TNS1: variants seen among roughly 807,000 people sequenced by gnomAD.
TNS1 encodes tensin-1.
TNS1 carries 62 observed loss-of-function variants against 168.6 expected under a neutral mutation model. That is an observed-to-expected ratio of 0.37 (90% CI 0.30 to 0.45). TNS1 has a LOEUF of 0.45. Among genes scored for constraint, TNS1 ranks in the 20% least tolerant of loss-of-function variants. The pLI is 1.00. For missense variants in TNS1, 2,240 were observed against 2,339.4 expected (o/e 0.96, Z 0.88); for synonymous variants, 934 against 933.2 (o/e 1.00, Z -0.02).
chr2:217,802,392 C>T lies in TNS1; in HGVS notation c.*2067G>A, dbSNP rs746536920. 4.6e-5 allele frequency: 7 copies of T among 152,394 alleles called. No homozygotes were observed. The East Asian group carries it at 1.4e-3, about 29-fold the overall frequency. The allele number at this position is 152,394 out of a possible 1,614,324, so 9.4% of individuals were successfully genotyped here. ...CAGAACGTCCACACTGACACAGCTCCTTGGAGGAGAAAAAATACAAAAGAC... is the reference window on the plus strand; with the variant it reads ...CAGAACGTCCACACTGACACAGCTCTTTGGAGGAGAAAAAATACAAAAGAC... On this transcript the variant is annotated 3_prime_UTR_variant, in exon 33 of 33. Coordinates refer to ENST00000682258, the MANE Select transcript of TNS1 (RefSeq NM_001387777.1).
rs555430131 is a variant in TNS1, at chr2:217,818,205, A to G, written c.4127T>C (p.Leu1376Pro). ...TTGGTGAGCCCCAGGGTGCCGGCCC[A>G]GGCTGGGACTCCCCGGGGTGGTGGC... ...KVATTPGSPS[L>P]GRHPGAHQGN... is the part of the protein sequence containing the mutation. Residue 1376 changes from leucine to proline, a missense_variant, in exon 24 of 33, where the codon CTG (leucine) becomes CCG (proline). Physicochemically the swap from Leu to Pro is moderately conservative, Grantham distance 98. Transcript: ENST00000682258. 2.5e-6 allele frequency: 4 copies of G among 1,613,862 alleles called. No homozygotes were observed. The South Asian group carries it at 4.4e-5, about 18-fold the overall frequency.
At chr2:217,890,881 C>A in intron 12 of TNS1, 81 bp downstream of exon 12, 1 of 1,453,178 alleles carries the variant, frequency 6.9e-7, no homozygotes, top group Non-Finnish European at 9.6e-7. Context: ...GCTATCCCAT[C>A]CCTGTGAGTA....
intron 32 of TNS1, 111 bp from the exon 33 acceptor site, chr2:217,804,714 C>T: frequency 2.2e-6 from 3 of 1,384,590 alleles, no homozygotes; most frequent in Non-Finnish European, 2.0e-6. Context: ...CTTCCCCATC[C>T]CTCCAGCAGG....
chr2:217,971,108 C>A (rs1957764755), intron 3 of TNS1, among the ~76,000 whole-genome samples: 1 of 152,192 alleles, frequency 6.6e-6, no homozygotes, highest in African/African-American at 2.4e-5. Context: ...TTACATACAA[C>A]AAAATGCATC....
Position 217,809,483 on chromosome 2 carries a change from GGATGGA to G in TNS1, c.5273+334_5273+339del, listed in dbSNP as rs1559140968. Among the ~76,000 whole-genome samples, 99 of 85,034 alleles carry G rather than the reference GGATGGA, an allele frequency of 1.2e-3. 20 individuals carry two copies. The highest frequency in any genetic ancestry group is 2.3e-3 in the East Asian group (7 of 3,054). The allele number at this position is 85,034 out of a possible 152,430, so 55.8% of individuals were successfully genotyped here. ...TGCATGGATGGATGGATGGATGGAT[GGATGGA>G]TGCATGGATGGATGCATGGATGGAT... On this transcript the variant is annotated intron_variant, in intron 30 of 32. Coordinates refer to ENST00000682258, the MANE Select transcript of TNS1 (RefSeq NM_001387777.1).
In TNS1 at chr2:217,899,025, A is replaced by G. The variant is rs544810550; in HGVS notation, c.372-1056T>C. 5.1e-4 allele frequency among the ~76,000 whole-genome samples: 78 copies of G among 152,310 alleles called. 1 individual carries two copies. The highest frequency in any genetic ancestry group is 1.8e-3 in the African/African-American group (76 of 41,570). On this transcript the variant is annotated intron_variant, in intron 7 of 32. Transcript: ENST00000682258. ...CTAACCTTTCACCACAGCGGGATAA[A>G]GTGGAGAGTGGAGGGCAGCGAAAGG...
In TNS1 at chr2:217,813,649, C is replaced by T. The variant is rs974947902; in HGVS notation, c.4861+36G>A. On this transcript the variant is annotated intron_variant, in intron 26 of 32. Transcript: ENST00000682258. This position sits in a 1 kb window ranked among gnomAD's most constrained non-coding sequence, Gnocchi z 4.0. ...CCAGGTTTAGCGACTGTAAAGCTCACCTGGTCCTGAGCCCCATTCTGGGAG... is the reference window on the plus strand; with the variant it reads ...CCAGGTTTAGCGACTGTAAAGCTCATCTGGTCCTGAGCCCCATTCTGGGAG... 7 of 1,579,360 alleles carry T rather than the reference C, an allele frequency of 4.4e-6. No homozygotes were observed. The highest frequency in any genetic ancestry group is 6.0e-6 in the Non-Finnish European group (7 of 1,161,550).
chr2:217,822,302 C>A (rs1942992060), intron 22 of TNS1, among the ~76,000 whole-genome samples: 2 of 152,180 alleles, frequency 1.3e-5, no homozygotes, highest in South Asian at 4.1e-4. Flanking sequence ...TCTCCTCGTG[C>A]CACTAGAGTC....
Position 217,819,808 on chromosome 2 carries a change from AG to A in TNS1, c.3573-1050del, listed in dbSNP as rs1167924780. 4.6e-5 allele frequency among the ~76,000 whole-genome samples: 7 copies of A among 152,096 alleles called. No individual in the cohort carries two copies. In the East Asian group the frequency reaches 1.2e-3, roughly 26 times the overall value. ...TACATAAACTAGTATGTAGGGAGGG[AG>A]CAGGCAGGCTGTGCACCAGGAACCC... On this transcript the variant is annotated intron_variant, in intron 23 of 32. Transcript: ENST00000682258.
At chr2:217,833,954 C>T (rs889619735) in intron 21 of TNS1, among the ~76,000 whole-genome samples, 2 of 152,064 alleles carry the variant, frequency 1.3e-5, no homozygotes. Context: ...GACTTATTTG[C>T]CTATTGAAAG....
intron 3 of TNS1, among the ~76,000 whole-genome samples, chr2:217,955,789 C>T (rs1048062859): frequency 1.3e-5 from 2 of 152,222 alleles, no homozygotes; most frequent in African/African-American, 4.8e-5. Flanking sequence ...TCAAACAATC[C>T]TCCCTCCTGG....
In TNS1 at chr2:217,895,127, T is replaced by C. The variant is rs904530435; in HGVS notation, c.544-71A>G. 2.6e-5 allele frequency: 37 copies of C among 1,440,504 alleles called. 1 individual carries two copies. The highest frequency in any genetic ancestry group is 5.8e-5 in the Admixed American group (3 of 51,414). The allele number at this position is 1,440,504 out of a possible 1,614,324, so 89.2% of individuals were successfully genotyped here. On this transcript the variant is annotated intron_variant, in intron 8 of 32. Transcript: ENST00000682258. Reference sequence around the variant, plus strand: ...AGGGCGGCGAGGAGAGAGAGAACCATGGCCTGCTGGTCCCAGAAAGGACCG... The same window carrying C: ...AGGGCGGCGAGGAGAGAGAGAACCACGGCCTGCTGGTCCCAGAAAGGACCG...
chr2:217,812,664 C>T (rs1941163788), intron 27 of TNS1, among the ~76,000 whole-genome samples: 1 of 152,218 alleles, frequency 6.6e-6, no homozygotes, highest in South Asian at 2.1e-4. Context: ...TACCTAACAA[C>T]TTTCCTTTGC....
chr2:217,804,629 A>T, intron 32 of TNS1, 26 bp from the exon 33 acceptor site: 2 of 1,613,264 alleles, frequency 1.2e-6, no homozygotes, highest in Non-Finnish European at 1.7e-6. Context: ...GGCAACGGGC[A>T]TGAGGGAAGG....
chr2:217,824,985 C>T (rs1391174666), intron 22 of TNS1, among the ~76,000 whole-genome samples: 2 of 152,196 alleles, frequency 1.3e-5, no homozygotes, highest in African/African-American at 4.8e-5. Context: ...GTCACAGAAG[C>T]ATGATCCTTA....
At chr2:218,016,952 G>C (rs1049521174) in intron 1 of TNS1, among the ~76,000 whole-genome samples, 19 of 152,202 alleles carry the variant, frequency 1.2e-4, no homozygotes, top group African/African-American at 4.6e-4. Flanking sequence ...AAGAGTAAAG[G>C]AATCAAAGAA....
At chr2:217,936,571 T>G (rs1347110991) in intron 3 of TNS1, among the ~76,000 whole-genome samples, 1 of 152,104 alleles carries the variant, frequency 6.6e-6, no homozygotes, top group Non-Finnish European at 1.5e-5. Flanking sequence ...AGGCCCTGGC[T>G]TGAGGCCTGC....
intron 21 of TNS1, among the ~76,000 whole-genome samples, chr2:217,833,651 C>G (rs770957089): frequency 1.3e-5 from 2 of 152,248 alleles, no homozygotes; most frequent in South Asian, 2.1e-4. Flanking sequence ...AGAGCTGGCT[C>G]TCACGTAACC....
chr2:217,919,217 T>C (rs1324823659), intron 4 of TNS1, among the ~76,000 whole-genome samples: 1 of 152,170 alleles, frequency 6.6e-6, no homozygotes, highest in African/African-American at 2.4e-5. Flanking sequence ...CAAGTGGATA[T>C]TGATGAAAGG....
Sources: gnomAD v4.1 joint callset for allele counts (sites outside exome capture counted in the v4.1 genomes callset) on GRCh38, gnomAD v4.1.1 for gene constraint, Gnocchi (gnomAD v3.1) non-coding constraint, MANE v1.5 for transcripts, NCBI Gene and HGNC (gene_info 2026-07-23, HGNC 2026-07-21) for gene names.